Variants in CFAP47 observed in about 807,000 individuals in gnomAD.
CFAP47 encodes cilia and flagella associated protein 47.
CFAP47 carries 29 observed loss-of-function variants against 148.1 expected under a neutral mutation model. That is an observed-to-expected ratio of 0.20 (90% confidence interval 0.15 to 0.27). The LOEUF is 0.27. CFAP47 is among the 10% of genes least tolerant of loss of function. The probability of loss-of-function intolerance (pLI) is 1.00; values close to 1 mark genes in which losing one functional copy is unlikely to be tolerated. For synonymous variants in CFAP47, 664 were observed against 577.3 expected (o/e 1.15, Z -2.15); for missense variants, 1,872 against 1,697.5 (o/e 1.10, Z -1.81).
At chrX:36,141,002 A>G (rs1021447934) in intron 35 of CFAP47, among the ~76,000 whole-genome samples, 3 of 110,955 alleles carry the variant, frequency 2.7e-5, no homozygotes, top group African/African-American at 9.8e-5. Context: ...AGTACACATA[A>G]TTTAATGAGT....
intron 26 of CFAP47, among the ~76,000 whole-genome samples, chrX:36,064,565 A>G (rs942838525): frequency 2.7e-5 from 3 of 111,942 alleles, no homozygotes; most frequent in Non-Finnish European, 5.6e-5. Context: ...TATTTCAGCT[A>G]TGAACATTTT....
intron 27 of CFAP47, among the ~76,000 whole-genome samples, chrX:36,067,210 A>C (rs1365778883): frequency 3.6e-5 from 4 of 111,315 alleles, no homozygotes; most frequent in Non-Finnish European, 7.5e-5. Context: ...GCTACAATCC[A>C]TGGGCTATAC....
At chrX:36,292,285 A>T (rs1010799630) in intron 51 of CFAP47, among the ~76,000 whole-genome samples, 3 of 111,659 alleles carry the variant, frequency 2.7e-5, no homozygotes, top group Admixed American at 9.5e-5. Flanking sequence ...GTTTCTAAAT[A>T]TAGCTGTCTA....
At chrX:36,326,954 C>T (rs1018767015) in intron 57 of CFAP47, among the ~76,000 whole-genome samples, 20 of 111,182 alleles carry the variant, frequency 1.8e-4, no homozygotes, top group East Asian at 5.6e-4. Context: ...CAAAAATTAA[C>T]GCAGGGTATA....
At chrX:36,069,867 G>C (rs1937714046) in intron 27 of CFAP47, among the ~76,000 whole-genome samples, 1 of 111,785 alleles carries the variant, frequency 8.9e-6, no homozygotes, top group Admixed American at 9.5e-5. Context: ...AAAGCAGTAT[G>C]ATTATTTTAG....
In CFAP47 at chrX:36,385,185, T is replaced by G. The variant is rs1429547511; in HGVS notation, c.*179T>G. 1.3e-5 allele frequency: 5 copies of G among 399,019 alleles called. No homozygotes were observed. The highest frequency in any genetic ancestry group is 2.2e-5 in the Non-Finnish European group (5 of 230,899). The allele number at this position is 399,019 out of a possible 1,213,427, so 32.9% of individuals were successfully genotyped here. ...TACTTCATTTGTGAGTTATGAATGT[T>G]TTTTGGTTGCGAACATTGGAATTGG... On this transcript the variant is annotated 3_prime_UTR_variant, in exon 64 of 64. Transcript: ENST00000378653.
At chrX:36,298,887 A>C (rs1941271093) in intron 51 of CFAP47, 90 bp from the exon 52 acceptor site, 1 of 528,703 alleles carries the variant, frequency 1.9e-6, no homozygotes, top group Admixed American at 3.5e-5. Flanking sequence ...GCCTTATATT[A>C]TGTAATAATT....
chrX:36,069,447 T>G (rs1354293131), intron 27 of CFAP47, among the ~76,000 whole-genome samples: 1 of 111,215 alleles, frequency 9.0e-6, no homozygotes, highest in African/African-American at 3.3e-5. Flanking sequence ...AATAAAACCT[T>G]GTTGTTAGAT....
At chrX:36,052,192 C>T (rs1937522507) in intron 26 of CFAP47, among the ~76,000 whole-genome samples, 1 of 111,887 alleles carries the variant, frequency 8.9e-6, no homozygotes, top group Non-Finnish European at 1.9e-5. Context: ...AATTTATTGG[C>T]ACAGAAACTC....
At chrX:36,099,948 G>A in intron 32 of CFAP47, 69 bp downstream of exon 32, 8 of 559,398 alleles carry the variant, frequency 1.4e-5, no homozygotes, top group Non-Finnish European at 2.3e-5. Flanking sequence ...TTAAAGTATA[G>A]ACAATGCTGC....
intron 40 of CFAP47, among the ~76,000 whole-genome samples, chrX:36,179,758 A>G (rs999901971): frequency 8.1e-5 from 9 of 111,609 alleles, no homozygotes; most frequent in Non-Finnish European, 1.7e-4. Flanking sequence ...GTAAACTCTA[A>G]AAATAACCTG....
intron 8 of CFAP47, among the ~76,000 whole-genome samples, chrX:35,961,736 A>T (rs1305131384): frequency 9.1e-6 from 1 of 110,442 alleles, no homozygotes; most frequent in African/African-American, 3.3e-5. Flanking sequence ...GTCTAGTTAA[A>T]ATTTTTTCAG....
chrX:36,309,147 C>A (rs1395001413), intron 55 of CFAP47, among the ~76,000 whole-genome samples: 3 of 111,099 alleles, frequency 2.7e-5, no homozygotes, highest in African/African-American at 9.7e-5. Context: ...TTTTCAGATG[C>A]TTCCTTTTTA....
intron 43 of CFAP47, 43 bp from the exon 44 acceptor site, chrX:36,201,231 T>G (rs1359474168): frequency 3.4e-6 from 1 of 295,181 alleles, no homozygotes; most frequent in African/African-American, 2.7e-5. Context: ...GTCAAGGGCA[T>G]AAATGTTCAT....
chrX:35,966,251 A>G (rs751964915), intron 8 of CFAP47, among the ~76,000 whole-genome samples: 8,308 of 100,391 alleles, frequency 0.083, 1,855 homozygotes, highest in African/African-American at 0.39. Flanking sequence ...ATATTTAAGA[A>G]ATATTAGCTG....
At chrX:36,010,406 T>A (rs1230212776) in intron 21 of CFAP47, among the ~76,000 whole-genome samples, 1 of 110,664 alleles carries the variant, frequency 9.0e-6, no homozygotes, top group Non-Finnish European at 1.9e-5. Flanking sequence ...TCTTTTATTT[T>A]AGTTATTCAT....
chrX:36,232,699 G>T (rs1940384163), intron 46 of CFAP47, among the ~76,000 whole-genome samples: 1 of 111,341 alleles, frequency 9.0e-6, no homozygotes. Flanking sequence ...TCTTTTAATT[G>T]TGGTGTTAGG....
At chrX:36,380,601 G>A (rs912952905) in intron 63 of CFAP47, among the ~76,000 whole-genome samples, 14 of 111,512 alleles carry the variant, frequency 1.3e-4, no homozygotes, top group Admixed American at 1.2e-3. Context: ...CTGCAACCAC[G>A]CCCAGCTACT....
chrX:35,959,720 T>A (rs1463259349), intron 8 of CFAP47, among the ~76,000 whole-genome samples: 1 of 108,400 alleles, frequency 9.2e-6, no homozygotes, highest in East Asian at 2.9e-4. Flanking sequence ...GGCAGGAGAA[T>A]CACTTGAACC....
Sources: allele counts gnomAD v4.1 joint callset (sites outside exome capture counted in the v4.1 genomes callset), GRCh38; gene constraint gnomAD v4.1.1; transcripts MANE v1.5; gene names NCBI Gene and HGNC (gene_info 2026-07-23, HGNC 2026-07-21).